CLDN10: variants seen among roughly 807,000 people sequenced by gnomAD.
The protein encoded by CLDN10 is claudin-10.
Under a neutral mutation model 22.9 loss-of-function variants are expected in CLDN10, and 15 were observed. The ratio of observed to expected loss-of-function variants is 0.65; its 90% CI spans 0.44 to 1.01. The LOEUF (loss-of-function observed/expected upper bound fraction) is 1.01. CLDN10 is among the 50% of genes least tolerant of loss of function. The pLI, the probability that CLDN10 is intolerant of heterozygous loss-of-function variation, is 0.00. For synonymous variants in CLDN10, 114 were observed against 111.4 expected (o/e 1.02, Z -0.15); for missense variants, 247 against 287.8 (o/e 0.86, Z 1.03).
intron 1 of CLDN10, among the ~76,000 whole-genome samples, chr13:95,470,915 A>G (rs1320328209): frequency 6.6e-6 from 1 of 152,172 alleles, no homozygotes; most frequent in Non-Finnish European, 1.5e-5. Context: ...AACGCCAGCC[A>G]ACAAATGCAT....
At chr13:95,501,921 T>C (rs1456293023) in intron 1 of CLDN10, among the ~76,000 whole-genome samples, 1 of 152,222 alleles carries the variant, frequency 6.6e-6, no homozygotes, top group Non-Finnish European at 1.5e-5. Flanking sequence ...TTCTATCTCC[T>C]TTATTGATCT....
At chr13:95,440,738 A>G (rs570096086) in intron 1 of CLDN10, among the ~76,000 whole-genome samples, 2 of 152,350 alleles carry the variant, frequency 1.3e-5, no homozygotes, top group South Asian at 4.1e-4. Flanking sequence ...TCATAACCCA[A>G]GGTAGGTGAA....
chr13:95,466,302 G>T (rs7999180), intron 1 of CLDN10, among the ~76,000 whole-genome samples: 1 of 151,738 alleles, frequency 6.6e-6, no homozygotes. Context: ...TGCTTTTGGT[G>T]TTGGGGTAAT....
At chr13:95,545,608 CT>C (rs1264854247) in intron 1 of CLDN10, among the ~76,000 whole-genome samples, 1 of 152,092 alleles carries the variant, frequency 6.6e-6, no homozygotes, top group African/African-American at 2.4e-5. Context: ...AATTAGGTAA[CT>C]TTTTTAAGGT....
At chr13:95,543,827 C>A (rs142840553) in intron 1 of CLDN10, among the ~76,000 whole-genome samples, 9 of 151,956 alleles carry the variant, frequency 5.9e-5, no homozygotes, top group African/African-American at 1.2e-4. Context: ...TACATATATG[C>A]AATCGATTGT....
chr13:95,537,197 C>G (rs1021270164), intron 1 of CLDN10, among the ~76,000 whole-genome samples: 6 of 152,114 alleles, frequency 3.9e-5, no homozygotes, highest in Admixed American at 3.9e-4. Context: ...GGATGTATTT[C>G]CATTCTACCA....
At chr13:95,502,786 G>A (rs931487447) in intron 1 of CLDN10, among the ~76,000 whole-genome samples, 1 of 152,284 alleles carries the variant, frequency 6.6e-6, no homozygotes, top group African/African-American at 2.4e-5. Context: ...CTCCCAAAGT[G>A]CTGGGACTAC....
At chr13:95,560,571 C>A in intron 3 of CLDN10, 108 bp downstream of exon 3, 1 of 814,474 alleles carries the variant, frequency 1.2e-6, no homozygotes. Context: ...GTAAGACATA[C>A]TGATAAATGG....
intron 1 of CLDN10, among the ~76,000 whole-genome samples, chr13:95,505,872 A>G (rs541013747): frequency 2.8e-3 from 421 of 148,180 alleles, no homozygotes; most frequent in South Asian, 5.5e-3. Flanking sequence ...CTCTTGCCTC[A>G]GCCTCCCAAG....
rs780592692 is a variant in CLDN10, at chr13:95,552,732, G to A, written c.-22G>A. 6.2e-7 allele frequency: 1 copy of A among 1,600,148 alleles called. No homozygotes were observed. The highest frequency in any genetic ancestry group is 1.9e-4 in the Middle Eastern group (1 of 5,324). ...CGGCGCAGAGTGGGAGCCGGAGAGCGAGCGCGGCTGCAGCCGGCGGCATGG... is the reference window on the plus strand; with the variant it reads ...CGGCGCAGAGTGGGAGCCGGAGAGCAAGCGCGGCTGCAGCCGGCGGCATGG... On this transcript the variant is annotated 5_prime_UTR_variant, in exon 1 of 5. Transcript: ENST00000299339.
intron 1 of CLDN10, among the ~76,000 whole-genome samples, chr13:95,439,024 C>G (rs1265051747): frequency 1.4e-5 from 2 of 147,652 alleles, no homozygotes; most frequent in South Asian, 2.1e-4. Flanking sequence ...ATAGCACTTG[C>G]TAGAGAAAGA....
At chr13:95,501,305 C>T (rs751465197) in intron 1 of CLDN10, among the ~76,000 whole-genome samples, 17 of 152,110 alleles carry the variant, frequency 1.1e-4, no homozygotes, top group Non-Finnish European at 1.9e-4. Flanking sequence ...TGAGCCACCA[C>T]ATCCAGCCCA....
At chr13:95,538,277 A>G (rs188724287) in intron 1 of CLDN10, among the ~76,000 whole-genome samples, 170 of 143,586 alleles carry the variant, frequency 1.2e-3, no homozygotes, top group Middle Eastern at 0.011. Flanking sequence ...CTGGCACCTT[A>G]CAGGCGCCCA....
chr13:95,494,397 C>T (rs1308026139), intron 1 of CLDN10, among the ~76,000 whole-genome samples: 5 of 152,176 alleles, frequency 3.3e-5, no homozygotes, highest in Admixed American at 3.3e-4. Context: ...TGAAAATAGC[C>T]TGTTTGCTCT....
At chr13:95,485,626 C>T (rs983838171) in intron 1 of CLDN10, among the ~76,000 whole-genome samples, 22 of 152,332 alleles carry the variant, frequency 1.4e-4, no homozygotes, top group Non-Finnish European at 3.1e-4. Flanking sequence ...TCCATATCTC[C>T]TTTCTCATCA....
chr13:95,556,462 T>A (rs1363195247), intron 1 of CLDN10, among the ~76,000 whole-genome samples: 1 of 152,228 alleles, frequency 6.6e-6, no homozygotes, highest in Non-Finnish European at 1.5e-5. Flanking sequence ...TTTAACGTTA[T>A]GCCATATTAA....
chr13:95,525,880 T>C (rs556206075), intron 1 of CLDN10, among the ~76,000 whole-genome samples: 1 of 152,296 alleles, frequency 6.6e-6, no homozygotes, highest in African/African-American at 2.4e-5. Context: ...AACTTGCATC[T>C]AGCTTTGTGC....
rs192385095 is a variant in CLDN10 at position 95,523,654 on chromosome 13, C to T, written c.215-36478C>T. Among the ~76,000 whole-genome samples, 837 of 152,274 alleles carry T rather than the reference C, an allele frequency of 5.5e-3. 1 individual carries two copies. The highest frequency in any genetic ancestry group is 8.1e-3 in the Non-Finnish European group (548 of 68,030). Reference sequence around the variant, plus strand: ...ATAGGGTCTCACTACATGGCCCAGACTGTTTTCAGACTCATGGCCTTAAGT... The same window carrying T: ...ATAGGGTCTCACTACATGGCCCAGATTGTTTTCAGACTCATGGCCTTAAGT... On this transcript the variant is annotated intron_variant, in intron 1 of 4. Transcript: ENST00000376873.
At chr13:95,572,543 C>T (rs1371554634) in intron 3 of CLDN10, among the ~76,000 whole-genome samples, 1 of 152,078 alleles carries the variant, frequency 6.6e-6, no homozygotes, top group Non-Finnish European at 1.5e-5. Flanking sequence ...AATCTTAGCA[C>T]ACACCGAAAA....
Sources: gnomAD v4.1 joint callset for allele counts (sites outside exome capture counted in the v4.1 genomes callset) on GRCh38, gnomAD v4.1.1 for gene constraint, MANE v1.5 for transcripts, NCBI Gene and HGNC (gene_info 2026-07-23, HGNC 2026-07-21) for gene names.